Variants in BCL7B observed in about 807,000 individuals in gnomAD.
The protein encoded by BCL7B is B-cell CLL/lymphoma 7 protein family member B.
BCL7B carries 11 observed loss-of-function variants against 26.5 expected under a neutral mutation model. The observed-to-expected ratio is 0.42, with a 90% CI of 0.26 to 0.69. The LOEUF (loss-of-function observed/expected upper bound fraction) is 0.69. Among genes scored for constraint, BCL7B ranks in the 30% least tolerant of loss-of-function variants. The pLI is 0.28. For synonymous variants in BCL7B, 111 were observed against 107.9 expected, an observed-to-expected ratio of 1.03 and a Z score of -0.18; for missense variants, 215 against 264.4, an observed-to-expected ratio of 0.81 and a Z score of 1.30.
At chr7:73,546,739 T>C (rs759202837) in intron 2 of BCL7B, among the ~76,000 whole-genome samples, 2 of 151,518 alleles carry the variant, frequency 1.3e-5, no homozygotes, top group Admixed American at 1.3e-4. Flanking sequence ...ATTGCTCAAA[T>C]AAAAATTAAG....
chr7:73,537,749 G>A (rs570549643), intron 5 of BCL7B, among the ~76,000 whole-genome samples, 185 bp downstream of exon 5: 5 of 152,240 alleles, frequency 3.3e-5, no homozygotes, highest in African/African-American at 9.6e-5. Context: ...TTAGCCAGGT[G>A]TGGTAGTGGG....
intron 2 of BCL7B, among the ~76,000 whole-genome samples, chr7:73,549,174 A>C (rs1792067792): frequency 6.6e-6 from 1 of 152,188 alleles, no homozygotes; most frequent in Non-Finnish European, 1.5e-5. Flanking sequence ...TATTGGCCCT[A>C]ACTGTGGACA....
intron 1 of BCL7B, among the ~76,000 whole-genome samples, chr7:73,552,548 G>C (rs782215602): frequency 1.3e-5 from 2 of 151,982 alleles, no homozygotes; most frequent in African/African-American, 2.4e-5. Context: ...GGAGACTGAG[G>C]TGGGCAGATC....
chr7:73,537,485 T>C (rs978834449), intron 5 of BCL7B, 95 bp from the exon 6 acceptor site: 12 of 891,954 alleles, frequency 1.3e-5, no homozygotes, highest in Non-Finnish European at 2.0e-5. Context: ...ACTCTGCTCC[T>C]TCCAGCAGAT....
chr7:73,549,281 G>A (rs1792070272), intron 2 of BCL7B, among the ~76,000 whole-genome samples: 1 of 152,210 alleles, frequency 6.6e-6, no homozygotes, highest in African/African-American at 2.4e-5. Flanking sequence ...GGAAAGGAAT[G>A]GGTAACTCCA....
chr7:73,545,860 G>A (rs138291995), intron 2 of BCL7B, among the ~76,000 whole-genome samples: 1,880 of 152,152 alleles, frequency 0.012, 38 homozygotes, highest in African/African-American at 0.043. Flanking sequence ...GGCCGGGCGC[G>A]GTGGCTCACG....
chr7:73,538,943 T>G (rs1025334110), intron 4 of BCL7B, among the ~76,000 whole-genome samples: 7 of 152,034 alleles, frequency 4.6e-5, no homozygotes, highest in African/African-American at 1.7e-4. Flanking sequence ...CTATGTGATC[T>G]CAGACAAGCG....
intron 1 of BCL7B, chr7:73,557,153 A>C (rs1453087114): frequency 2.0e-6 from 2 of 1,010,520 alleles, no homozygotes; most frequent in African/African-American, 3.4e-5. Flanking sequence ...GCCACTGCCC[A>C]GGAAGAGGGG....
intron 2 of BCL7B, among the ~76,000 whole-genome samples, chr7:73,551,915 G>A (rs1322368732): frequency 6.6e-6 from 1 of 151,772 alleles, no homozygotes; most frequent in East Asian, 2.0e-4. Context: ...CCAACATGGT[G>A]AAACCCCGTC....
intron 2 of BCL7B, among the ~76,000 whole-genome samples, chr7:73,549,876 A>T (rs1284186282): frequency 6.6e-6 from 1 of 152,190 alleles, no homozygotes; most frequent in Non-Finnish European, 1.5e-5. Flanking sequence ...ACTGTTTATG[A>T]ATGACTAGAC....
intron 3 of BCL7B, among the ~76,000 whole-genome samples, chr7:73,543,295 G>A (rs547075021): frequency 6.6e-6 from 1 of 151,726 alleles, no homozygotes. Flanking sequence ...TCCTGTCTCA[G>A]ACCCCCGAGT....
chr7:73,539,886 C>A lies in BCL7B; in HGVS notation c.432G>T (p.Leu144=). Residue 144 remains leucine (L), a synonymous_variant, in exon 4 of 6, where the codon CTG becomes CTT. Transcript: ENST00000223368. ...SQPPTLGQEI[L]EEPSLPSSEV... is the part of the protein sequence containing the mutation. ...CCTCGGCCAACCACGACTCACCCTC[C>A]AGGATCTCCTGGCCCAGCGTTGGGG... The A allele has an allele frequency of 6.2e-7, 1 of 1,613,124 alleles. No homozygotes were observed. Among genetic ancestry groups the A allele is most frequent in the Middle Eastern group, 1.7e-4 (1 of 6,006 alleles).
chr7:73,550,075 A>T (rs1554583942), intron 2 of BCL7B, among the ~76,000 whole-genome samples: 2 of 152,192 alleles, frequency 1.3e-5, no homozygotes, highest in Admixed American at 1.3e-4. Context: ...ACTTCTCTGT[A>T]TGTGTTTTAT....
At chr7:73,542,801 A>C (rs782416276) in intron 3 of BCL7B, 1 of 405,564 alleles carries the variant, frequency 2.5e-6, no homozygotes, top group South Asian at 1.7e-5. Context: ...CATACAGTCT[A>C]GGCCAGGTGC....
intron 4 of BCL7B, among the ~76,000 whole-genome samples, chr7:73,538,815 TAAAAAAA>T (rs1159395373): frequency 2.4e-3 from 224 of 94,570 alleles, no homozygotes; most frequent in Middle Eastern, 0.014. Flanking sequence ...CCTATCTCTT[TAAAAAAA>T]AAAAAAAAAA....
intron 4 of BCL7B, chr7:73,538,330 G>A: frequency 4.0e-6 from 1 of 247,822 alleles, no homozygotes; most frequent in East Asian, 7.3e-5. Flanking sequence ...GTTGCTATGA[G>A]GACGAGATGA....
chr7:73,537,073 A>G lies in BCL7B; in HGVS notation c.*225T>C. Reference sequence around the variant, plus strand: ...CGATGCTCCAGCCAACTTGGGGTGCAAAAAAGACATGAGCGCTCCTCTTCT... The same window carrying G: ...CGATGCTCCAGCCAACTTGGGGTGCGAAAAAGACATGAGCGCTCCTCTTCT... On this transcript the variant is annotated 3_prime_UTR_variant, in exon 6 of 6. Coordinates refer to ENST00000223368, the MANE Select transcript of BCL7B (RefSeq NM_001707.4). 1 of 437,136 alleles carries G rather than the reference A, an allele frequency of 2.3e-6. No homozygotes were observed. Among genetic ancestry groups the G allele is most frequent in the South Asian group, 4.1e-5 (1 of 24,570 alleles). The allele number at this position is 437,136 out of a possible 1,614,324, so 27.1% of individuals were successfully genotyped here. A position where few individuals can be genotyped will look rare whatever the true frequency, so the allele number is the denominator to read the frequency against.
At chr7:73,543,159 C>T (rs1554583091) in intron 3 of BCL7B, among the ~76,000 whole-genome samples, 1 of 151,812 alleles carries the variant, frequency 6.6e-6, no homozygotes, top group East Asian at 1.9e-4. Context: ...ACAGCAGGCA[C>T]TGAATTGATA....
At chr7:73,541,425 C>A (rs536164391) in intron 3 of BCL7B, among the ~76,000 whole-genome samples, 42 of 152,030 alleles carry the variant, frequency 2.8e-4, no homozygotes, top group Admixed American at 5.9e-4. Context: ...AACCCTTCGA[C>A]GCTCCACTGC....
Sources: allele counts gnomAD v4.1 joint callset (sites outside exome capture counted in the v4.1 genomes callset), GRCh38; gene constraint gnomAD v4.1.1; transcripts MANE v1.5; gene names NCBI Gene and HGNC (gene_info 2026-07-23, HGNC 2026-07-21).